Variants in ELP2 observed in about 807,000 individuals in gnomAD.
The protein encoded by ELP2 is elongator acetyltransferase complex subunit 2.
ELP2 carries 90 observed loss-of-function variants against 119.2 expected under a neutral mutation model. That is an observed-to-expected ratio of 0.75 (90% CI 0.64 to 0.90). The LOEUF (loss-of-function observed/expected upper bound fraction) is 0.90. Among genes scored for constraint, ELP2 ranks in the 40% least tolerant of loss-of-function variants. The probability of loss-of-function intolerance (pLI) is 0.00; values close to 1 mark genes in which losing one functional copy is unlikely to be tolerated. For synonymous variants in ELP2, 339 were observed against 331.0 expected (o/e 1.02, Z -0.26); for missense variants, 921 against 967.8 (o/e 0.95, Z 0.64).
rs1409701081 is a variant in ELP2, at chr18:36,180,540, C to G, written c.*5899C>G. The G allele has an allele frequency of 1.3e-5, 2 of 152,198 alleles. No homozygotes were observed. Among genetic ancestry groups the G allele is most frequent in the African/African-American group, 4.8e-5 (2 of 41,452 alleles). The allele number at this position is 152,198 out of a possible 1,614,324, so 9.4% of individuals were successfully genotyped here. ...GGTACTATTATGATTAAATAAAGCT[C>G]TGCTCGTGTCAACTCCATAGAGCCT... is the stretch of plus-strand genomic sequence containing the variant. On this transcript the variant is annotated 3_prime_UTR_variant, in exon 22 of 22. Coordinates refer to ENST00000358232, the MANE Select transcript of ELP2 (RefSeq NM_018255.4).
At chr18:36,137,060 A>G (rs1021668681) in intron 3 of ELP2, 1 of 152,284 alleles carries the variant, frequency 6.6e-6, no homozygotes, top group East Asian at 1.9e-4. Flanking sequence ...AAAGAAGGAA[A>G]AACCTATGCA....
chr18:36,174,365 C>A, intron 21 of ELP2, 120 bp from the exon 22 acceptor site: 1 of 984,104 alleles, frequency 1.0e-6, no homozygotes, highest in Non-Finnish European at 1.5e-6. Flanking sequence ...AATAAAATGG[C>A]TAAAATGTTA....
intron 3 of ELP2, chr18:36,138,006 G>A (rs2089891204): frequency 2.4e-6 from 1 of 413,928 alleles, no homozygotes; most frequent in South Asian, 2.4e-5. Flanking sequence ...AATCCAAAAA[G>A]AGGAACATTC....
intron 19 of ELP2, among the ~76,000 whole-genome samples, chr18:36,168,495 A>G (rs1363452521): frequency 6.6e-6 from 1 of 152,198 alleles, no homozygotes; most frequent in African/African-American, 2.4e-5. Context: ...AGGTGAAACA[A>G]ACACATCCTT....
chr18:36,161,952 C>T (rs1264915757), intron 17 of ELP2, among the ~76,000 whole-genome samples: 2 of 152,152 alleles, frequency 1.3e-5, no homozygotes, highest in Non-Finnish European at 2.9e-5. Context: ...TTGTTTCTAA[C>T]TTAGGGCACT....
Position 36,163,338 on chromosome 18 carries a change from A to G in ELP2, c.1762-1137A>G, listed in dbSNP as rs372691437. Among the ~76,000 whole-genome samples the G allele has an allele frequency of 6.1e-4, 92 of 151,432 alleles. No individual in the cohort carries two copies. In the South Asian group the frequency reaches 0.019, roughly 31 times the overall value. ...TAAAAATCCAATTATCCATTGATGGACACTGAACAGTTTTTTATATACCCT... is the reference window on the plus strand; with the variant it reads ...TAAAAATCCAATTATCCATTGATGGGCACTGAACAGTTTTTTATATACCCT... On this transcript the variant is annotated intron_variant, in intron 17 of 21. Coordinates refer to ENST00000358232, the MANE Select transcript of ELP2 (RefSeq NM_018255.4).
At chr18:36,144,186 A>G (rs72888709) in intron 8 of ELP2, among the ~76,000 whole-genome samples, 13,349 of 152,226 alleles carry the variant, frequency 0.088, 779 homozygotes, top group Non-Finnish European at 0.12. Context: ...AAAATGATAT[A>G]ACCAGCATAT....
chr18:36,163,275 G>GGGGTGTGTGT (rs1555644861), intron 17 of ELP2, among the ~76,000 whole-genome samples: 7 of 145,482 alleles, frequency 4.8e-5, no homozygotes, highest in African/African-American at 1.8e-4. Flanking sequence ...GTTCATGGGG[G>GGGGTGTGTGT]GTGTGTGTGT....
chr18:36,160,285 G>A (rs1789510), intron 16 of ELP2, among the ~76,000 whole-genome samples: 150,961 of 152,246 alleles, frequency 0.99, 74,860 homozygotes, highest in East Asian at 1. Flanking sequence ...TCTTTATTAA[G>A]AAGACTTGGC....
chr18:36,177,709 G>A lies in ELP2; in HGVS notation c.*3068G>A, dbSNP rs1008352209. 2.0e-5 allele frequency: 3 copies of A among 151,566 alleles called. No homozygotes were observed. The highest frequency in any genetic ancestry group is 4.4e-5 in the Non-Finnish European group (3 of 67,930). 9.4% of individuals were successfully genotyped at this position (151,566 alleles called of 1,614,324 possible). On this transcript the variant is annotated 3_prime_UTR_variant, in exon 22 of 22. Transcript: ENST00000358232. ...AACACCATTTCCCAGGATGTAAATC[G>A]GTACTAAAAAAAAAGTGCTCCAAAG...
At chr18:36,164,763 G>A in intron 18 of ELP2, 96 bp downstream of exon 18, 2 of 1,192,838 alleles carry the variant, frequency 1.7e-6, no homozygotes, top group Non-Finnish European at 2.4e-6. Flanking sequence ...ATAACAGAGT[G>A]AAGGGTAGAG....
chr18:36,167,198 C>G lies in ELP2; in HGVS notation c.2052C>G (p.Phe684Leu). Residue 684 changes from phenylalanine (F) to leucine (L), a missense_variant, in exon 19 of 22, where the codon TTC (phenylalanine) becomes TTG (leucine). Physicochemically the swap from Phe to Leu is conservative, Grantham distance 22. Coordinates refer to ENST00000358232, the MANE Select transcript of ELP2 (RefSeq NM_018255.4). ...SCDWSPDSKY[F>L]FTGSRDKKVV... ...ATTGGAGTCCTGACAGCAAGTATTT[C>G]TTCACTGGGAGTCGAGACAAAAAGG... The G allele has an allele frequency of 6.3e-7, 1 of 1,593,434 alleles. No individual in the cohort carries two copies. The highest frequency in any genetic ancestry group is 8.6e-7 in the Non-Finnish European group (1 of 1,168,550).
At chr18:36,158,566 G>C (rs1181072040) in intron 13 of ELP2, 2 of 365,378 alleles carry the variant, frequency 5.5e-6, no homozygotes, top group Non-Finnish European at 1.0e-5. Flanking sequence ...GTCCCTTTAT[G>C]GATGAGAGGA....
At chr18:36,174,431 T>A in intron 21 of ELP2, 54 bp from the exon 22 acceptor site, 1 of 1,558,908 alleles carries the variant, frequency 6.4e-7, no homozygotes, top group Non-Finnish European at 8.8e-7. Flanking sequence ...CTTCCATTCA[T>A]GTTTACACCA....
At position 36,177,824 on chromosome 18, in the gene ELP2, A is replaced by G. The variant is rs1308038653; in HGVS notation, c.*3183A>G. ...CTAAGAGCATTTAACAAATTAATTTACACTGGGAATTTTCAGTGTGGAGGG... is the reference window on the plus strand; with the variant it reads ...CTAAGAGCATTTAACAAATTAATTTGCACTGGGAATTTTCAGTGTGGAGGG... On this transcript the variant is annotated 3_prime_UTR_variant, in exon 22 of 22. Transcript: ENST00000358232. The G allele has an allele frequency of 3.3e-5, 5 of 152,238 alleles. No individual in the cohort carries two copies. Among genetic ancestry groups the G allele is most frequent in the African/African-American group, 2.4e-5 (1 of 41,454 alleles). 9.4% of individuals were successfully genotyped at this position (152,238 alleles called of 1,614,324 possible).
At chr18:36,160,068 T>G in intron 16 of ELP2, 53 bp downstream of exon 16, 1 of 1,559,276 alleles carries the variant, frequency 6.4e-7, no homozygotes, top group Non-Finnish European at 8.8e-7. Flanking sequence ...AACTTCTGAC[T>G]TTTCCTCCCC....
At chr18:36,133,101 A>C in intron 1 of ELP2, 137 bp from the exon 2 acceptor site, 3 of 685,988 alleles carry the variant, frequency 4.4e-6, no homozygotes, top group Non-Finnish European at 7.8e-6. Context: ...AAGTTTATAG[A>C]TTGAAGAAGG....
Position 36,166,333 on chromosome 18 carries a change from T to TG in ELP2, c.1955-768_1955-767insG, listed in dbSNP as rs1568022459. Among the ~76,000 whole-genome samples the TG allele has an allele frequency of 4.0e-3, 493 of 122,474 alleles. 7 individuals are homozygous for TG. Among genetic ancestry groups the TG allele is most frequent in the African/African-American group, 0.015 (465 of 31,554 alleles). The allele number at this position is 122,474 out of a possible 152,430, so 80.3% of individuals were successfully genotyped here. On this transcript the variant is annotated intron_variant, in intron 18 of 21. Transcript: ENST00000358232. ...TGTTTTTTAGGGTTTTTTTTTTTTT[T>TG]TTTTTTTTTTTTTTCAGACGGAGTT...
chr18:36,159,759 A>G lies in ELP2; in HGVS notation c.1559A>G (p.Asp520Gly). 6.2e-7 allele frequency: 1 copy of G among 1,613,890 alleles called. No homozygotes were observed. The highest frequency in any genetic ancestry group is 8.5e-7 in the Non-Finnish European group (1 of 1,179,862). Reference sequence around the variant, plus strand: ...GGAGATATAGCTTCTCAGCCTTCTGATGAAGAGGAGCTGTTAACTAGTACT... The same window carrying G: ...GGAGATATAGCTTCTCAGCCTTCTGGTGAAGAGGAGCTGTTAACTAGTACT... Reference protein sequence around the residue: ...FQGDIASQPSDEEELLTSTGF... With the variant: ...FQGDIASQPSGEEELLTSTGF... The change falls in exon 15 of 22, where the codon GAT becomes GGT. Residue 520 changes from aspartate to glycine, a missense_variant. Asp to Gly is a moderately conservative substitution (Grantham distance 94, BLOSUM62 -1). Coordinates refer to ENST00000358232, the MANE Select transcript of ELP2 (RefSeq NM_018255.4).
Sources: allele counts gnomAD v4.1 joint callset (sites outside exome capture counted in the v4.1 genomes callset), GRCh38; gene constraint gnomAD v4.1.1; transcripts MANE v1.5; gene names NCBI Gene and HGNC (gene_info 2026-07-23, HGNC 2026-07-21).